SLC35F4: variants seen among roughly 807,000 people sequenced by gnomAD.
SLC35F4 encodes solute carrier family 35 member F4.
Under a neutral mutation model 44.2 loss-of-function variants are expected in SLC35F4, and 24 were observed. The ratio of observed to expected loss-of-function variants is 0.54; its 90% CI spans 0.39 to 0.76. The LOEUF is 0.76. Ranked by LOEUF, SLC35F4 falls within the 30% of genes least tolerant of loss-of-function variation. SLC35F4 has a pLI of 0.00. For missense variants in SLC35F4, 562 were observed against 586.1 expected (o/e 0.96, Z 0.42); for synonymous variants, 238 against 223.6 (o/e 1.06, Z -0.57).
intron 1 of SLC35F4, among the ~76,000 whole-genome samples, chr14:57,624,365 A>T (rs1016918683): frequency 6.6e-6 from 1 of 152,222 alleles, no homozygotes; most frequent in Non-Finnish European, 1.5e-5. Context: ...GAATTCTACC[A>T]GAGGTACAAA....
chr14:57,933,483 C>T (rs1362788349), intron 1 of SLC35F4, among the ~76,000 whole-genome samples: 1 of 152,064 alleles, frequency 6.6e-6, no homozygotes, highest in Non-Finnish European at 1.5e-5. Flanking sequence ...CTTGTTTAAT[C>T]AGTGAGGGCC....
At chr14:57,773,560 AT>A (rs1335851828) in intron 1 of SLC35F4, among the ~76,000 whole-genome samples, 3 of 151,988 alleles carry the variant, frequency 2.0e-5, no homozygotes, top group Non-Finnish European at 4.4e-5. Context: ...AGCCTACTAT[AT>A]TTGGCTACAA....
chr14:57,686,002 G>T (rs1180966474), intron 1 of SLC35F4, among the ~76,000 whole-genome samples: 1 of 152,144 alleles, frequency 6.6e-6, no homozygotes, highest in African/African-American at 2.4e-5. Context: ...CAAAGTACAT[G>T]ATCTTCAACA....
At chr14:57,865,230 T>A (rs1337280117) in intron 1 of SLC35F4, among the ~76,000 whole-genome samples, 1 of 152,134 alleles carries the variant, frequency 6.6e-6, no homozygotes, top group East Asian at 1.9e-4. Flanking sequence ...GTGAACGAGC[T>A]GACCCCACCA....
intron 1 of SLC35F4, among the ~76,000 whole-genome samples, chr14:57,925,517 G>C (rs1443773287): frequency 9.5e-6 from 1 of 105,434 alleles, no homozygotes; most frequent in Non-Finnish European, 2.0e-5. Context: ...GAGGGAGGGA[G>C]GGAGGGAGGG....
At chr14:57,713,813 G>T (rs1487960134) in intron 1 of SLC35F4, among the ~76,000 whole-genome samples, 2 of 152,128 alleles carry the variant, frequency 1.3e-5, no homozygotes, top group Non-Finnish European at 2.9e-5. Flanking sequence ...ACATGATTTT[G>T]CTGTAAGAAT....
chr14:57,937,480 A>G (rs775573099), intron 1 of SLC35F4, among the ~76,000 whole-genome samples: 2 of 152,004 alleles, frequency 1.3e-5, no homozygotes, highest in Non-Finnish European at 2.9e-5. Context: ...GGAGATAAAG[A>G]GGTCATAATA....
At chr14:57,751,210 A>G (rs1463763926) in intron 1 of SLC35F4, among the ~76,000 whole-genome samples, 8 of 152,224 alleles carry the variant, frequency 5.3e-5, no homozygotes, top group African/African-American at 1.9e-4. Context: ...TGACATGGTT[A>G]ATAAGAAGCA....
chr14:57,672,007 T>C (rs2074538469), intron 1 of SLC35F4, among the ~76,000 whole-genome samples: 2 of 152,122 alleles, frequency 1.3e-5, no homozygotes, highest in African/African-American at 4.8e-5. Context: ...TCCTTACTTC[T>C]GGATTTTTCT....
At chr14:57,972,817 C>T (rs1158371874), downstream of SLC35F4, among the ~76,000 whole-genome samples, 1 of 152,292 alleles carries the variant, frequency 6.6e-6, no homozygotes, top group Non-Finnish European at 1.5e-5. Flanking sequence ...CTTCTGGATG[C>T]TCTAGTCATA....
chr14:57,678,914 C>T (rs2074795366), intron 1 of SLC35F4, among the ~76,000 whole-genome samples: 1 of 152,028 alleles, frequency 6.6e-6, no homozygotes, highest in Admixed American at 6.5e-5. Context: ...TAGACTCCCA[C>T]ACAGTAATAG....
intron 1 of SLC35F4, among the ~76,000 whole-genome samples, chr14:57,629,509 T>G (rs1193321231): frequency 6.6e-6 from 1 of 152,090 alleles, no homozygotes; most frequent in Non-Finnish European, 1.5e-5. Flanking sequence ...CAGAAAAATA[T>G]GGAGTTCAGT....
chr14:57,805,118 C>A (rs1881149373), intron 1 of SLC35F4, among the ~76,000 whole-genome samples: 1 of 152,058 alleles, frequency 6.6e-6, no homozygotes, highest in African/African-American at 2.4e-5. Flanking sequence ...GTCAAAAAAA[C>A]AACAGATGCT....
intron 1 of SLC35F4, among the ~76,000 whole-genome samples, chr14:57,831,277 G>A (rs1273322249): frequency 6.6e-6 from 1 of 152,172 alleles, no homozygotes; most frequent in African/African-American, 2.4e-5. Flanking sequence ...GCCTCTGCAA[G>A]CCGGAAAGAG....
At chr14:57,576,034 A>T (rs1362106153) in intron 4 of SLC35F4, among the ~76,000 whole-genome samples, 1 of 151,964 alleles carries the variant, frequency 6.6e-6, no homozygotes, top group Non-Finnish European at 1.5e-5. Context: ...GGCCATCAAA[A>T]GCCCACAAAG....
At chr14:57,925,196 C>T (rs939005479) in intron 1 of SLC35F4, among the ~76,000 whole-genome samples, 2 of 152,020 alleles carry the variant, frequency 1.3e-5, no homozygotes, top group Admixed American at 6.6e-5. Context: ...GGCCCCACCT[C>T]CTACACTGGG....
At chr14:57,963,024 C>T (rs1226517151) in intron 1 of SLC35F4, among the ~76,000 whole-genome samples, 1 of 152,108 alleles carries the variant, frequency 6.6e-6, no homozygotes, top group Non-Finnish European at 1.5e-5. Context: ...CTAGAAGCTA[C>T]CAGGGTAACC....
intron 1 of SLC35F4, among the ~76,000 whole-genome samples, chr14:57,627,839 T>C (rs981940833): frequency 7.9e-5 from 12 of 152,084 alleles, no homozygotes; most frequent in African/African-American, 2.9e-4. Context: ...TGTTTTAGTC[T>C]TTAAGATTGA....
intron 1 of SLC35F4, among the ~76,000 whole-genome samples, chr14:57,804,749 C>T (rs1881097906): frequency 6.6e-6 from 1 of 152,128 alleles, no homozygotes; most frequent in Admixed American, 6.5e-5. Context: ...GCAATTGCAA[C>T]AAAAGCAAAA....
Sources: gnomAD v4.1 joint callset for allele counts (sites outside exome capture counted in the v4.1 genomes callset) on GRCh38, gnomAD v4.1.1 for gene constraint, MANE v1.5 for transcripts, NCBI Gene and HGNC (gene_info 2026-07-23, HGNC 2026-07-21) for gene names.